Variants in AFG1L observed in about 807,000 individuals in gnomAD.
AFG1L encodes AFG1 like ATPase.
A neutral mutation model predicts 62.2 loss-of-function variants in AFG1L; 53 were observed. The observed-to-expected ratio is 0.85, with a 90% CI of 0.68 to 1.07. The LOEUF (loss-of-function observed/expected upper bound fraction) is 1.07. AFG1L is among the 50% of genes least tolerant of loss of function. The pLI is 0.00. For missense variants in AFG1L, 555 were observed against 590.5 expected, an observed-to-expected ratio of 0.94 and a Z score of 0.62; for synonymous variants, 228 against 210.3, an observed-to-expected ratio of 1.08 and a Z score of -0.73.
At chr6:108,517,648 CAAAT>C (rs1423888663) in intron 11 of AFG1L, among the ~76,000 whole-genome samples, 1 of 152,106 alleles carries the variant, frequency 6.6e-6, no homozygotes, top group Non-Finnish European at 1.5e-5. Context: ...CCAAAATTGA[CAAAT>C]GGGATCTAAT....
chr6:108,418,348 T>C (rs1399110494), intron 7 of AFG1L, among the ~76,000 whole-genome samples: 3 of 152,090 alleles, frequency 2.0e-5, no homozygotes, highest in Admixed American at 6.6e-5. Flanking sequence ...AGTTGCAGAG[T>C]TGAGTGGCTG....
chr6:108,355,623 T>C (rs750333624), intron 3 of AFG1L, 31 bp from the exon 4 acceptor site: 13 of 1,138,398 alleles, frequency 1.1e-5, no homozygotes, highest in Non-Finnish European at 1.3e-6. Context: ...TACTATTTAA[T>C]AGTATTCTTA....
At chr6:108,494,517 C>G (rs1773899104) in intron 10 of AFG1L, among the ~76,000 whole-genome samples, 1 of 151,802 alleles carries the variant, frequency 6.6e-6, no homozygotes, top group Admixed American at 6.6e-5. Flanking sequence ...TAGGTAGAAC[C>G]AACCTCCTGC....
intron 10 of AFG1L, among the ~76,000 whole-genome samples, chr6:108,487,745 A>G (rs2114843217): frequency 6.6e-6 from 1 of 152,314 alleles, no homozygotes; most frequent in Non-Finnish European, 1.5e-5. Context: ...AGTGGAGTAA[A>G]AGTATTTCAA....
intron 3 of AFG1L, among the ~76,000 whole-genome samples, chr6:108,351,372 A>G (rs1200398233): frequency 2.6e-5 from 4 of 152,236 alleles, no homozygotes; most frequent in Admixed American, 6.5e-5. Context: ...ATGTCATTAT[A>G]TGCGTTACTG....
At chr6:108,447,343 A>G in intron 8 of AFG1L, 47 bp downstream of exon 8, 1 of 1,111,460 alleles carries the variant, frequency 9.0e-7, no homozygotes, top group Non-Finnish European at 1.4e-6. Flanking sequence ...CGTTAATCAG[A>G]AAAAGAACAT....
intron 5 of AFG1L, 29 bp downstream of exon 5, chr6:108,356,849 A>G: frequency 6.3e-7 from 1 of 1,575,122 alleles, no homozygotes; most frequent in Non-Finnish European, 8.7e-7. Context: ...ATAGATATAG[A>G]ATGGTATATT....
chr6:108,400,566 A>AAT (rs1249144343), intron 6 of AFG1L, among the ~76,000 whole-genome samples: 1 of 137,686 alleles, frequency 7.3e-6, no homozygotes, highest in Admixed American at 7.9e-5. Flanking sequence ...TATTTATATA[A>AAT]ATATATATTT....
At chr6:108,344,806 A>C (rs1249453697) in intron 2 of AFG1L, 1 of 470,942 alleles carries the variant, frequency 2.1e-6, no homozygotes, top group Admixed American at 2.3e-5. Context: ...TATGAAGGTT[A>C]CTCGTCTAAG....
intron 10 of AFG1L, among the ~76,000 whole-genome samples, chr6:108,500,171 C>CGTGCGTGCGT (rs1247963141): frequency 3.0e-5 from 4 of 135,070 alleles, no homozygotes; most frequent in Non-Finnish European, 6.2e-5. Flanking sequence ...ATGGTGCGTG[C>CGTGCGTGCGT]GTGTGTGTGT....
At chr6:108,343,983 T>G (rs1189264501) in intron 2 of AFG1L, among the ~76,000 whole-genome samples, 3 of 152,130 alleles carry the variant, frequency 2.0e-5, no homozygotes, top group African/African-American at 7.2e-5. Context: ...AACCCATAAA[T>G]TATAAAACAA....
intron 2 of AFG1L, among the ~76,000 whole-genome samples, chr6:108,326,212 C>T (rs965699487): frequency 3.3e-5 from 5 of 152,140 alleles, no homozygotes; most frequent in African/African-American, 1.2e-4. Flanking sequence ...GCTAGGGCTA[C>T]AGGCATGCAT....
chr6:108,514,157 C>T (rs1029816254), intron 11 of AFG1L, among the ~76,000 whole-genome samples: 17 of 152,210 alleles, frequency 1.1e-4, no homozygotes, highest in East Asian at 7.7e-4. Flanking sequence ...ACCACAAAGA[C>T]GGGGAAAAAA....
At chr6:108,388,228 T>C (rs1026829609) in intron 6 of AFG1L, 2 of 152,224 alleles carry the variant, frequency 1.3e-5, no homozygotes, top group Non-Finnish European at 2.9e-5. Context: ...TTTTGTTCTC[T>C]TTATCATTTT....
At chr6:108,474,791 C>T (rs1454646879) in intron 8 of AFG1L, among the ~76,000 whole-genome samples, 2 of 151,912 alleles carry the variant, frequency 1.3e-5, no homozygotes, top group African/African-American at 4.8e-5. Context: ...GGATATTAAA[C>T]CTTTGTCAGA....
At chr6:108,358,611 C>T (rs1229966961) in intron 5 of AFG1L, among the ~76,000 whole-genome samples, 1 of 152,202 alleles carries the variant, frequency 6.6e-6, no homozygotes, top group Non-Finnish European at 1.5e-5. Context: ...TGGCTCACTG[C>T]AACCTCTGCC....
At chr6:108,445,408 T>A (rs1771729153) in intron 7 of AFG1L, among the ~76,000 whole-genome samples, 1 of 152,214 alleles carries the variant, frequency 6.6e-6, no homozygotes, top group Admixed American at 6.5e-5. Flanking sequence ...GAACTTTTCC[T>A]TTTCAATCAT....
At chr6:108,397,263 G>A (rs1781356944) in intron 6 of AFG1L, among the ~76,000 whole-genome samples, 1 of 152,202 alleles carries the variant, frequency 6.6e-6, no homozygotes, top group Non-Finnish European at 1.5e-5. Flanking sequence ...AAGTAGCTGG[G>A]ATAACAGGCG....
At chr6:108,500,754 A>G (rs1167405804) in intron 10 of AFG1L, among the ~76,000 whole-genome samples, 4 of 152,176 alleles carry the variant, frequency 2.6e-5, no homozygotes, top group Admixed American at 2.6e-4. Flanking sequence ...GGGTTGAACT[A>G]ATTTGCATTC....
Sources: allele counts gnomAD v4.1 joint callset (sites outside exome capture counted in the v4.1 genomes callset), GRCh38; gene constraint gnomAD v4.1.1; transcripts MANE v1.5; gene names NCBI Gene and HGNC (gene_info 2026-07-23, HGNC 2026-07-21).